ROBO2: variants seen among roughly 807,000 people sequenced by gnomAD.
ROBO2 encodes roundabout homolog 2.
Under a neutral mutation model 160.8 loss-of-function variants are expected in ROBO2, and 53 were observed. The ratio of observed to expected loss-of-function variants is 0.33; its 90% confidence interval spans 0.26 to 0.41. ROBO2 has a LOEUF of 0.41. ROBO2 is among the 10% of genes least tolerant of loss of function. ROBO2 has a pLI of 1.00. For missense variants in ROBO2, 1,577 were observed against 1,722.4 expected (o/e 0.92, Z 1.49); for synonymous variants, 664 against 611.7 (o/e 1.09, Z -1.26).
intron 2 of ROBO2, among the ~76,000 whole-genome samples, chr3:77,470,435 G>T (rs1227482459): frequency 6.6e-6 from 1 of 152,162 alleles, no homozygotes; most frequent in Admixed American, 6.5e-5. Context: ...AATCAGTGCA[G>T]CATAATGACT....
intron 2 of ROBO2, among the ~76,000 whole-genome samples, chr3:77,004,151 A>G (rs1464284513): frequency 6.6e-6 from 1 of 152,188 alleles, no homozygotes; most frequent in Non-Finnish European, 1.5e-5. Context: ...TCTATATCAT[A>G]AACTCTGGTT....
chr3:76,497,796 G>A (rs1016016317), intron 2 of ROBO2, among the ~76,000 whole-genome samples: 1 of 152,178 alleles, frequency 6.6e-6, no homozygotes, highest in Admixed American at 6.5e-5. Context: ...CCCACGGTCT[G>A]TCTTGACTCA....
chr3:77,320,843 G>T (rs1108653), intron 2 of ROBO2, among the ~76,000 whole-genome samples: 60,968 of 151,986 alleles, frequency 0.4, 13,613 homozygotes, highest in African/African-American at 0.59. Flanking sequence ...TATGTGTAAT[G>T]TACATATCAC....
chr3:76,934,494 G>A (rs1354490261), intron 2 of ROBO2, among the ~76,000 whole-genome samples: 1 of 152,042 alleles, frequency 6.6e-6, no homozygotes, highest in East Asian at 1.9e-4. Flanking sequence ...TATAATCCGA[G>A]CACTTTAGGA....
chr3:76,225,057 T>G (rs148216018), intron 2 of ROBO2, among the ~76,000 whole-genome samples: 8 of 152,310 alleles, frequency 5.3e-5, no homozygotes, highest in Non-Finnish European at 1.2e-4. Flanking sequence ...ATATACTCAT[T>G]TATATAAATA....
At chr3:77,356,425 A>G (rs2069136885) in intron 2 of ROBO2, among the ~76,000 whole-genome samples, 1 of 152,114 alleles carries the variant, frequency 6.6e-6, no homozygotes. Flanking sequence ...GAGAAAAACA[A>G]CTGTATGCAC....
chr3:76,811,720 T>G (rs2065169506), intron 2 of ROBO2, among the ~76,000 whole-genome samples: 1 of 152,030 alleles, frequency 6.6e-6, no homozygotes, highest in Non-Finnish European at 1.5e-5. Context: ...CATGCCTATA[T>G]CTCATCTCCA....
intron 1 of ROBO2, among the ~76,000 whole-genome samples, chr3:77,072,369 AC>A (rs141468883): frequency 0.011 from 1,725 of 151,968 alleles, 30 homozygotes; most frequent in African/African-American, 0.038. Flanking sequence ...TCATCCCCAA[AC>A]CCTCCTCCTG....
chr3:76,176,919 A>G (rs1330656398), intron 2 of ROBO2, among the ~76,000 whole-genome samples: 2 of 152,138 alleles, frequency 1.3e-5, no homozygotes, highest in Non-Finnish European at 2.9e-5. Flanking sequence ...CAACTACTAA[A>G]GGGTAAAACT....
intron 2 of ROBO2, among the ~76,000 whole-genome samples, chr3:76,253,662 T>C (rs1217028802): frequency 6.6e-6 from 1 of 150,964 alleles, no homozygotes; most frequent in Non-Finnish European, 1.5e-5. Flanking sequence ...AGAATAAAAA[T>C]TCTGAAAAGA....
At chr3:76,893,398 G>C (rs2074509010) in intron 2 of ROBO2, among the ~76,000 whole-genome samples, 1 of 151,892 alleles carries the variant, frequency 6.6e-6, no homozygotes, top group Non-Finnish European at 1.5e-5. Flanking sequence ...TAGATCATTG[G>C]GGAAGAGCAG....
intron 2 of ROBO2, among the ~76,000 whole-genome samples, chr3:76,751,981 A>G (rs1246020029): frequency 2.6e-5 from 4 of 152,158 alleles, no homozygotes; most frequent in Non-Finnish European, 5.9e-5. Context: ...TCCCAAAAAG[A>G]CACATGCACA....
At chr3:77,456,893 G>T (rs1365844856) in intron 2 of ROBO2, among the ~76,000 whole-genome samples, 5 of 151,556 alleles carry the variant, frequency 3.3e-5, no homozygotes, top group Non-Finnish European at 7.4e-5. Flanking sequence ...GGCAATGTGA[G>T]GCATATTTGG....
At chr3:76,707,732 T>TATAC (rs1491343865) in intron 2 of ROBO2, among the ~76,000 whole-genome samples, 1 of 12,920 alleles carries the variant, frequency 7.7e-5, no homozygotes, top group African/African-American at 8.4e-4. Flanking sequence ...CATGTGTGTG[T>TATAC]ATATATATAT....
chr3:77,477,190 GA>G (rs2084115336), intron 2 of ROBO2, among the ~76,000 whole-genome samples: 1 of 152,010 alleles, frequency 6.6e-6, no homozygotes, highest in African/African-American at 2.4e-5. Context: ...TTTTAAAGTT[GA>G]ATTTTTGACC....
chr3:77,634,967 G>T lies in ROBO2; in HGVS notation c.3858G>T (p.Arg1286=), dbSNP rs758913123. 4 of 1,614,080 alleles carry T rather than the reference G, an allele frequency of 2.5e-6. No homozygotes were observed. The Admixed American group carries it at 6.7e-5, about 27-fold the overall frequency. Residue 1286 remains arginine (R), a synonymous_variant, in exon 24 of 26, where the codon CGG becomes CGT. Coordinates refer to ENST00000461745, the Ensembl canonical transcript of ROBO2. ...CCCTGAGTCAAAGTCAGAGGCCTCG[G>T]CCCACTAAAAAACACAAGGGAGGGC...
At chr3:77,145,892 G>C (rs2077082313) in intron 2 of ROBO2, among the ~76,000 whole-genome samples, 1 of 152,114 alleles carries the variant, frequency 6.6e-6, no homozygotes, top group South Asian at 2.1e-4. Flanking sequence ...CATTGGCTGT[G>C]GTCTGAGACG....
intron 2 of ROBO2, among the ~76,000 whole-genome samples, chr3:77,296,226 C>T (rs1410778597): frequency 6.6e-6 from 1 of 150,648 alleles, no homozygotes; most frequent in East Asian, 2.0e-4. Context: ...GAAGTTGAGG[C>T]TAGAACAGTA....
chr3:76,449,699 T>C (rs1366724940), intron 2 of ROBO2, among the ~76,000 whole-genome samples: 1 of 152,158 alleles, frequency 6.6e-6, no homozygotes, highest in Non-Finnish European at 1.5e-5. Flanking sequence ...ATATAATCTT[T>C]AGACTTTACT....
Sources: gnomAD v4.1 joint callset for allele counts (sites outside exome capture counted in the v4.1 genomes callset) on GRCh38, gnomAD v4.1.1 for gene constraint, MANE v1.5 for transcripts, NCBI Gene and HGNC (gene_info 2026-07-23, HGNC 2026-07-21) for gene names.